SCN3A: variants seen among roughly 807,000 people sequenced by gnomAD.
SCN3A encodes sodium channel protein type 3 subunit alpha.
A neutral mutation model predicts 187.6 loss-of-function variants in SCN3A; 60 were observed. The ratio of observed to expected loss-of-function variants is 0.32; its 90% CI spans 0.26 to 0.40. The LOEUF (loss-of-function observed/expected upper bound fraction) is 0.40, where lower values mean the gene tolerates loss of function less well. Among genes scored for constraint, SCN3A ranks in the 10% least tolerant of loss-of-function variants. The pLI is 1.00. For synonymous variants in SCN3A, 788 were observed against 829.2 expected, an observed-to-expected ratio of 0.95 and a Z score of 0.85; for missense variants, 1,601 against 2,428.2, an observed-to-expected ratio of 0.66 and a Z score of 7.16.
chr2:165,163,952 T>G, intron 6 of SCN3A: 1 of 1,474,306 alleles, frequency 6.8e-7, no homozygotes, highest in Admixed American at 1.8e-5. Flanking sequence ...AAATAAGGAC[T>G]TAATGCTGGG....
chr2:165,150,556 A>G (rs2105846897), intron 11 of SCN3A, among the ~76,000 whole-genome samples: 1 of 152,332 alleles, frequency 6.6e-6, no homozygotes, highest in African/African-American at 2.4e-5. Context: ...CTAAAGCTGA[A>G]TCAAATTGTG....
chr2:165,176,221 T>G lies in SCN3A; in HGVS notation c.174A>C (p.Gly58=), dbSNP rs749989171. The G allele has an allele frequency of 6.2e-7, 1 of 1,614,128 alleles. No homozygotes were observed. The highest frequency in any genetic ancestry group is 8.5e-7 in the Non-Finnish European group (1 of 1,179,988). Residue 58 remains glycine, a synonymous_variant, in exon 3 of 28, where the codon GGA becomes GGC. Transcript: ENST00000283254. ...CTCCATAAATAAATGGAAGGTTCTTTCCAGCTTCCAAGTCACTATTTGGCT... is the reference window on the plus strand; with the variant it reads ...CTCCATAAATAAATGGAAGGTTCTTGCCAGCTTCCAAGTCACTATTTGGCT... ...KPKPNSDLEA[G]KNLPFIYGDI... is the part of the protein sequence containing the mutation.
At chr2:165,103,224 T>A (rs1685688921) in intron 21 of SCN3A, among the ~76,000 whole-genome samples, 1 of 152,200 alleles carries the variant, frequency 6.6e-6, no homozygotes, top group Admixed American at 6.5e-5. Context: ...AGTTTGAAGA[T>A]AATGACTACA....
At chr2:165,120,205 T>G (rs1013038329) in intron 18 of SCN3A, among the ~76,000 whole-genome samples, 1 of 151,982 alleles carries the variant, frequency 6.6e-6, no homozygotes, top group Non-Finnish European at 1.5e-5. Flanking sequence ...CCAAGAACCA[T>G]GTCCTCAAAG....
At chr2:165,188,385 A>G (rs967352755) in intron 1 of SCN3A, among the ~76,000 whole-genome samples, 3 of 152,128 alleles carry the variant, frequency 2.0e-5, no homozygotes, top group Non-Finnish European at 4.4e-5. Flanking sequence ...AAACTGCGTT[A>G]TATCTTAATA....
At chr2:165,104,857 A>G (rs1685770006) in intron 21 of SCN3A, among the ~76,000 whole-genome samples, 1 of 152,206 alleles carries the variant, frequency 6.6e-6, no homozygotes, top group African/African-American at 2.4e-5. Context: ...CAACATATTT[A>G]TTTATACCCC....
chr2:165,146,752 C>A lies in SCN3A; in HGVS notation c.1658G>T (p.Cys553Phe). The A allele has an allele frequency of 6.2e-7, 1 of 1,613,912 alleles. No individual in the cohort carries two copies. The highest frequency in any genetic ancestry group is 1.1e-5 in the South Asian group (1 of 91,078). ...AGAAAATCATACCTGATGAGGGGAG[C>A]AGAATTTTTTGTCACTGGTCAGTCT... ...GNRLTSDKKF[C>F]SPHQSLLSIR... is the part of the protein sequence containing the mutation. Residue 553 changes from cysteine to phenylalanine, a missense_variant, in exon 12 of 28, where the codon TGC becomes TTC. By Grantham distance (205) the Cys-to-Phe change is radical. Coordinates refer to ENST00000283254, the MANE Select transcript of SCN3A (RefSeq NM_006922.4).
chr2:165,149,992 C>A (rs576577893), intron 11 of SCN3A, among the ~76,000 whole-genome samples: 4 of 152,102 alleles, frequency 2.6e-5, no homozygotes, highest in African/African-American at 9.7e-5. Context: ...CTGTTCTACC[C>A]CAATTATATT....
intron 1 of SCN3A, among the ~76,000 whole-genome samples, chr2:165,201,198 T>TAAATAA: frequency 6.6e-6 from 1 of 152,118 alleles, no homozygotes; most frequent in Admixed American, 6.6e-5. Context: ...TAAATAACTG[T>TAAATAA]CTTCTGGAAG....
chr2:165,100,246 A>G, intron 22 of SCN3A, 56 bp downstream of exon 22: 1 of 1,581,204 alleles, frequency 6.3e-7, no homozygotes, highest in Non-Finnish European at 8.7e-7. Context: ...TTTCTATCTA[A>G]ATCATTACCT....
chr2:165,108,228 A>T (rs1309692805), intron 21 of SCN3A, among the ~76,000 whole-genome samples: 1 of 152,146 alleles, frequency 6.6e-6, no homozygotes, highest in African/African-American at 2.4e-5. Flanking sequence ...TACTACTATT[A>T]CTACTAATAA....
At chr2:165,131,558 T>C in intron 15 of SCN3A, 141 bp from the exon 16 acceptor site, 1 of 433,558 alleles carries the variant, frequency 2.3e-6, no homozygotes. Flanking sequence ...CAAGTCTTAG[T>C]TTTTTTATTT....
In SCN3A at chr2:165,096,530, A is replaced by G. The variant is rs1264123151; in HGVS notation, c.4240-10T>C. The G allele has an allele frequency of 6.2e-7, 1 of 1,603,866 alleles. No individual in the cohort carries two copies. Among genetic ancestry groups the G allele is most frequent in the Non-Finnish European group, 8.5e-7 (1 of 1,171,222 alleles). ...AGCCTTTAAATGTGGCCTGTAAATA[A>G]CATATATTTGAATTGTTCATAAAAA... On this transcript the variant is annotated splice_polypyrimidine_tract_variant and intron_variant, in intron 23 of 27. Transcript: ENST00000283254.
Position 165,154,522 on chromosome 2 carries a change from T to G in SCN3A, c.1310A>C (p.Glu437Ala), listed in dbSNP as rs775726312. 6.2e-7 allele frequency: 1 copy of G among 1,614,162 alleles called. No homozygotes were observed. The highest frequency in any genetic ancestry group is 8.5e-7 in the Non-Finnish European group (1 of 1,180,024). Residue 437 changes from glutamate (E) to alanine (A), a missense_variant, in exon 11 of 28, where the codon GAA (glutamate) becomes GCA (alanine). Around this residue, in one of 11 missense-constraint regions of SCN3A, gnomAD observed 376 missense variants for 476.0 expected, o/e 0.79. Coordinates refer to ENST00000283254, the MANE Select transcript of SCN3A (RefSeq NM_006922.4). Reference sequence around the variant, plus strand: ...AAATTCGGCCTCTTTTTGTTCTGCTTCTTCCAAGGTGGCCTGATTCTGCTC... The same window carrying G: ...AAATTCGGCCTCTTTTTGTTCTGCTGCTTCCAAGGTGGCCTGATTCTGCTC... ...YEEQNQATLE[E>A]AEQKEAEFQQ...
intron 1 of SCN3A, among the ~76,000 whole-genome samples, chr2:165,192,933 T>A (rs1691705634): frequency 6.6e-6 from 1 of 152,150 alleles, no homozygotes. Flanking sequence ...TGGTAGCCAT[T>A]GACCACATGA....
chr2:165,112,693 A>G (rs1455929880), intron 21 of SCN3A, among the ~76,000 whole-genome samples, 192 bp downstream of exon 21: 5 of 152,182 alleles, frequency 3.3e-5, no homozygotes, highest in Admixed American at 6.5e-5. Flanking sequence ...TGCTCTTACC[A>G]CTGCCCATGT....
At chr2:165,091,582 T>C (rs1203428111) in intron 27 of SCN3A, among the ~76,000 whole-genome samples, 1 of 152,210 alleles carries the variant, frequency 6.6e-6, no homozygotes, top group African/African-American at 2.4e-5. Flanking sequence ...AATGGTAGCA[T>C]GGCAATTTAA....
chr2:165,200,173 G>A (rs924013823), intron 1 of SCN3A, among the ~76,000 whole-genome samples: 8 of 151,974 alleles, frequency 5.3e-5, no homozygotes, highest in Admixed American at 1.3e-4. Context: ...AATTTAAAAC[G>A]AACCTAAAAG....
rs149911613 is a variant in SCN3A at position 165,127,768 on chromosome 2, C to T, written c.3256G>A (p.Asp1086Asn). The change falls in exon 18 of 28, where the codon GAT (aspartate) becomes AAT (asparagine). Residue 1086 changes from aspartate (D) to asparagine (N), a missense_variant. Asp to Asn is a conservative substitution (Grantham distance 23). Around this residue, in one of 11 missense-constraint regions of SCN3A, gnomAD observed 267 missense variants for 313.2 expected, o/e 0.85. Transcript: ENST00000283254. ...ATGAATGACATATAATCATTTTCATCGATTACGTATTTTTCAACACTGCTT... is the reference window on the plus strand; with the variant it reads ...ATGAATGACATATAATCATTTTCATTGATTACGTATTTTTCAACACTGCTT... ...TGSSVEKYVI[D>N]ENDYMSFINN... 1.2e-5 allele frequency: 19 copies of T among 1,613,930 alleles called. No individual in the cohort carries two copies. The highest frequency in any genetic ancestry group is 1.6e-4 in the Middle Eastern group (1 of 6,084).
Sources: gnomAD v4.1 joint callset for allele counts (sites outside exome capture counted in the v4.1 genomes callset) on GRCh38, gnomAD v4.1.1 for gene constraint, gnomAD v4.1.1 regional missense constraint, MANE v1.5 for transcripts, NCBI Gene and HGNC (gene_info 2026-07-23, HGNC 2026-07-21) for gene names.